The following IGF1R variants were observed in gnomAD, a reference collection of about 807,000 sequenced individuals.
IGF1R encodes insulin like growth factor 1 receptor.
IGF1R carries 44 observed loss-of-function variants against 144.6 expected under a neutral mutation model. The ratio of observed to expected loss-of-function variants is 0.30; its 90% CI spans 0.24 to 0.39. IGF1R has a LOEUF of 0.39. Among genes scored for constraint, IGF1R ranks in the 10% least tolerant of loss-of-function variants. The pLI, the probability that IGF1R is intolerant of heterozygous loss-of-function variation, is 1.00. For missense variants in IGF1R, 1,355 were observed against 1,833.7 expected (o/e 0.74, Z 4.77); for synonymous variants, 795 against 722.8 (o/e 1.10, Z -1.60).
At chr15:98,912,393 T>C (rs1204940622) in intron 7 of IGF1R, among the ~76,000 whole-genome samples, 2 of 152,224 alleles carry the variant, frequency 1.3e-5, no homozygotes, top group East Asian at 3.8e-4. Flanking sequence ...CATGTTTGTT[T>C]CAGAAGCCAG....
intron 2 of IGF1R, among the ~76,000 whole-genome samples, chr15:98,781,971 CA>C (rs2055870332): frequency 6.6e-6 from 1 of 152,124 alleles, no homozygotes; most frequent in South Asian, 2.1e-4. Flanking sequence ...CATAGCCCAG[CA>C]AAAGGCTGAT....
chr15:98,868,972 C>A, intron 2 of IGF1R, among the ~76,000 whole-genome samples: 1 of 152,288 alleles, frequency 6.6e-6, no homozygotes, highest in African/African-American at 2.4e-5. Context: ...TGGGCTTGTG[C>A]ATAGGTTAGA....
intron 15 of IGF1R, among the ~76,000 whole-genome samples, chr15:98,932,869 C>T (rs2015998739): frequency 6.6e-6 from 1 of 152,228 alleles, no homozygotes; most frequent in Non-Finnish European, 1.5e-5. Context: ...TCATATTGGA[C>T]ACCCCTCAGA....
chr15:98,862,268 A>C (rs371400453), intron 2 of IGF1R, among the ~76,000 whole-genome samples: 1 of 152,258 alleles, frequency 6.6e-6, no homozygotes, highest in African/African-American at 2.4e-5. Flanking sequence ...TTCTCACTAC[A>C]TTTGAAGAAA....
At position 98,700,557 on chromosome 15, in the gene IGF1R, A is replaced by G. The variant is rs541992605; in HGVS notation, c.95-7005A>G. Among the ~76,000 whole-genome samples, 65 of 152,276 alleles carry G rather than the reference A, an allele frequency of 4.3e-4. 1 individual carries two copies. The highest frequency in any genetic ancestry group is 1.3e-3 in the African/African-American group (53 of 41,536). On this transcript the variant is annotated intron_variant, in intron 1 of 20. Coordinates refer to ENST00000650285, the MANE Select transcript of IGF1R (RefSeq NM_000875.5). Reference sequence around the variant, plus strand: ...CTCTTGCGTTTTAACAGTTCCTTCAAGTGGTCCTGATGCATGTTGAGGACT... The same window carrying G: ...CTCTTGCGTTTTAACAGTTCCTTCAGGTGGTCCTGATGCATGTTGAGGACT...
chr15:98,875,150 G>C (rs571592898), intron 2 of IGF1R, among the ~76,000 whole-genome samples: 2 of 149,372 alleles, frequency 1.3e-5, no homozygotes, highest in South Asian at 4.1e-4. Context: ...CCGGGATTTC[G>C]GGAGACAGCA....
intron 8 of IGF1R, among the ~76,000 whole-genome samples, chr15:98,914,889 C>G (rs189528657): frequency 6.6e-6 from 1 of 152,262 alleles, no homozygotes; most frequent in East Asian, 1.9e-4. Flanking sequence ...TTTTTGGAAA[C>G]CCTAAAGTGG....
At chr15:98,835,489 GT>G (rs1197109949) in intron 2 of IGF1R, among the ~76,000 whole-genome samples, 6 of 152,218 alleles carry the variant, frequency 3.9e-5, no homozygotes, top group Admixed American at 1.3e-4. Context: ...TCTCGACAGA[GT>G]GGATAGGCTT....
chr15:98,759,783 A>G (rs1369444318), intron 2 of IGF1R, among the ~76,000 whole-genome samples: 1 of 152,258 alleles, frequency 6.6e-6, no homozygotes, highest in African/African-American at 2.4e-5. Context: ...ACTGAAAGGT[A>G]AAGTGCCCGA....
At position 98,962,871 on chromosome 15, in the gene IGF1R, T is replaced by C. The variant is rs2017278927; in HGVS notation, c.*5429T>C. ...GAATTGTTCAAGAACACAAACTACA[T>C]CGCACTCGTCAGTTGTCAGTTCTGG... On this transcript the variant is annotated 3_prime_UTR_variant, in exon 21 of 21. Coordinates refer to ENST00000650285, the MANE Select transcript of IGF1R (RefSeq NM_000875.5). The C allele has an allele frequency of 4.3e-6, 1 of 233,604 alleles. No individual in the cohort carries two copies. Among genetic ancestry groups the C allele is most frequent in the South Asian group, 1.8e-4 (1 of 5,536 alleles). The allele number at this position is 233,604 out of a possible 1,614,324, so 14.5% of individuals were successfully genotyped here.
intron 1 of IGF1R, among the ~76,000 whole-genome samples, chr15:98,663,760 G>A (rs537339533): frequency 2.8e-3 from 427 of 152,330 alleles, no homozygotes; most frequent in Non-Finnish European, 5.2e-3. Context: ...GGGAGAGGGC[G>A]GTGGCCCCCG....
At chr15:98,781,370 C>T (rs1044812752) in intron 2 of IGF1R, among the ~76,000 whole-genome samples, 2 of 152,118 alleles carry the variant, frequency 1.3e-5, no homozygotes, top group African/African-American at 2.4e-5. Flanking sequence ...CTTGCCTGAT[C>T]ACTTTTGCTA....
intron 6 of IGF1R, among the ~76,000 whole-genome samples, chr15:98,910,181 G>A (rs778036275): frequency 5.3e-5 from 8 of 152,104 alleles, no homozygotes; most frequent in African/African-American, 1.2e-4. Context: ...GCAGGCTGAC[G>A]ACCAGCGCCG....
intron 2 of IGF1R, among the ~76,000 whole-genome samples, chr15:98,863,486 G>A (rs754095469): frequency 6.6e-6 from 1 of 152,150 alleles, no homozygotes; most frequent in Non-Finnish European, 1.5e-5. Flanking sequence ...GCCAAATGGT[G>A]ATTTTCTATT....
intron 15 of IGF1R, among the ~76,000 whole-genome samples, chr15:98,931,758 G>A (rs2015950829): frequency 6.6e-6 from 1 of 151,102 alleles, no homozygotes; most frequent in African/African-American, 2.4e-5. Context: ...CAGCTACTCG[G>A]GAGACTGAGG....
At chr15:98,896,649 C>G (rs2151651603) in intron 3 of IGF1R, 108 bp from the exon 4 acceptor site, 2 of 1,174,808 alleles carry the variant, frequency 1.7e-6, no homozygotes, top group South Asian at 1.3e-5. Flanking sequence ...GTTGCTTTTT[C>G]TAATGCATGC....
intron 19 of IGF1R, among the ~76,000 whole-genome samples, chr15:98,946,513 A>C (rs1357642749): frequency 6.6e-6 from 1 of 152,172 alleles, no homozygotes; most frequent in East Asian, 1.9e-4. Flanking sequence ...CTGCACACTC[A>C]GGGAGCTCTG....
rs45623742 is a variant in IGF1R, at chr15:98,908,438, G to A, written c.1248-247G>A. ...TCCTCTGGTACAAGAAGCATTATTT[G>A]ATGGTAATAGTGGTCATAGAATTAA... On this transcript the variant is annotated intron_variant, in intron 5 of 20. Transcript: ENST00000650285. Among the ~76,000 whole-genome samples the A allele has an allele frequency of 5.4e-3, 816 of 152,350 alleles. 1 individual carries two copies. Among genetic ancestry groups the A allele is most frequent in the Non-Finnish European group, 9.1e-3 (622 of 68,036 alleles).
At chr15:98,940,834 G>T (rs1221341603) in intron 18 of IGF1R, among the ~76,000 whole-genome samples, 1 of 152,210 alleles carries the variant, frequency 6.6e-6, no homozygotes, top group Non-Finnish European at 1.5e-5. Context: ...GGATCCACCA[G>T]TGTGTCCCTA....
Sources: gnomAD v4.1 joint callset for allele counts (sites outside exome capture counted in the v4.1 genomes callset) on GRCh38, gnomAD v4.1.1 for gene constraint, MANE v1.5 for transcripts, NCBI Gene and HGNC (gene_info 2026-07-23, HGNC 2026-07-21) for gene names.